The following CDK19 variants were observed in gnomAD, a reference collection of about 807,000 sequenced individuals.
CDK19 encodes the protein cyclin-dependent kinase 19.
A neutral mutation model predicts 68.3 loss-of-function variants in CDK19; 20 were observed. The ratio of observed to expected loss-of-function variants is 0.29; its 90% confidence interval spans 0.21 to 0.43. The LOEUF is 0.43. Among genes scored for constraint, CDK19 ranks in the 20% least tolerant of loss-of-function variants. The pLI is 1.00. For synonymous variants in CDK19, 221 were observed against 222.8 expected, an observed-to-expected ratio of 0.99 and a Z score of 0.07; for missense variants, 339 against 623.5, an observed-to-expected ratio of 0.54 and a Z score of 4.86.
chr6:110,675,835 T>G (rs191982405), intron 2 of CDK19, among the ~76,000 whole-genome samples: 89 of 152,200 alleles, frequency 5.8e-4, no homozygotes, highest in Non-Finnish European at 1.1e-3. Flanking sequence ...ACCCAAAAGC[T>G]CTGATTGAGA....
intron 5 of CDK19, among the ~76,000 whole-genome samples, chr6:110,635,313 T>G (rs1255220985): frequency 6.6e-6 from 1 of 152,356 alleles, no homozygotes; most frequent in African/African-American, 2.4e-5. Flanking sequence ...TCTTTTATTA[T>G]GTTATCTGGA....
chr6:110,622,687 T>C (rs1317862897), intron 10 of CDK19, 128 bp downstream of exon 10: 2 of 644,074 alleles, frequency 3.1e-6, no homozygotes, highest in African/African-American at 3.6e-5. Context: ...AAGCTTGCTC[T>C]TGAGCAGTCT....
At chr6:110,655,662 T>C (rs1225681745) in intron 4 of CDK19, among the ~76,000 whole-genome samples, 4 of 152,114 alleles carry the variant, frequency 2.6e-5, no homozygotes, top group Admixed American at 2.6e-4. Flanking sequence ...ACTACTTACA[T>C]CCTACATTTT....
chr6:110,808,390 C>T (rs1782828166), intron 1 of CDK19, among the ~76,000 whole-genome samples: 2 of 152,166 alleles, frequency 1.3e-5, no homozygotes, highest in Admixed American at 6.6e-5. Flanking sequence ...CAGCCAACTG[C>T]TTATTTGTAT....
chr6:110,804,146 AAAC>A (rs1782516822), intron 1 of CDK19, among the ~76,000 whole-genome samples: 1 of 152,198 alleles, frequency 6.6e-6, no homozygotes, highest in African/African-American at 2.4e-5. Context: ...CTACAGAACA[AAAC>A]AAAGTTAACT....
At chr6:110,646,734 G>A (rs527562718) in intron 4 of CDK19, among the ~76,000 whole-genome samples, 1 of 151,966 alleles carries the variant, frequency 6.6e-6, no homozygotes, top group Admixed American at 6.5e-5. Context: ...AACCCACCTC[G>A]GCTGCCTCCC....
In CDK19 at chr6:110,634,872, C is replaced by G. The variant is rs551948847; in HGVS notation, c.515-2711G>C. Among the ~76,000 whole-genome samples the G allele has an allele frequency of 5.9e-5, 9 of 152,342 alleles. 1 individual carries two copies. In the East Asian group the frequency reaches 1.7e-3, roughly 29 times the overall value. On this transcript the variant is annotated intron_variant, in intron 5 of 12. Coordinates refer to ENST00000368911, the MANE Select transcript of CDK19 (RefSeq NM_015076.5). The stretch of plus-strand genomic sequence containing the variant: ...TTTCTCCCCTTATTCTCTACCTCCT[C>G]AGTTTTACCTAAGCCTCATCTACTC...
At chr6:110,673,344 G>A (rs557168680) in intron 2 of CDK19, among the ~76,000 whole-genome samples, 1 of 151,962 alleles carries the variant, frequency 6.6e-6, no homozygotes, top group Non-Finnish European at 1.5e-5. Context: ...TTGTCCATTT[G>A]CCCCTCAACA....
rs535063624 is a variant in CDK19 at position 110,746,263 on chromosome 6, T to C, written c.129-62A>G. The C allele has an allele frequency of 4.1e-6, 4 of 983,566 alleles. No individual in the cohort carries two copies. The South Asian group carries it at 4.2e-5, about 10-fold the overall frequency. The allele number at this position is 983,566 out of a possible 1,614,324, so 60.9% of individuals were successfully genotyped here. On this transcript the variant is annotated intron_variant, in intron 1 of 12. Transcript: ENST00000368911. ...TCACTTTCAGATTCAAAATTATAAC[T>C]ACAAAAACAATGGAAATGCACTTAA...
At chr6:110,638,044 A>G (rs1422124344) in intron 5 of CDK19, among the ~76,000 whole-genome samples, 3 of 150,778 alleles carry the variant, frequency 2.0e-5, no homozygotes, top group Non-Finnish European at 4.4e-5. Flanking sequence ...TGTAATAGGT[A>G]TAAATGATGC....
At chr6:110,684,382 C>G (rs1405438231) in intron 2 of CDK19, among the ~76,000 whole-genome samples, 1 of 126,278 alleles carries the variant, frequency 7.9e-6, no homozygotes, top group Non-Finnish European at 1.5e-5. Context: ...CAACTACTAA[C>G]AAATGTTTAT....
chr6:110,635,695 A>G (rs1779729711), intron 5 of CDK19, among the ~76,000 whole-genome samples: 1 of 152,016 alleles, frequency 6.6e-6, no homozygotes, highest in African/African-American at 2.4e-5. Flanking sequence ...ACGCACCACC[A>G]CGCCCAGCTA....
At chr6:110,714,604 T>C (rs1775221259) in intron 2 of CDK19, among the ~76,000 whole-genome samples, 1 of 152,180 alleles carries the variant, frequency 6.6e-6, no homozygotes, top group Non-Finnish European at 1.5e-5. Flanking sequence ...TTCTAATGGG[T>C]GTGAAGTAGT....
chr6:110,647,048 G>C (rs1254271655), intron 4 of CDK19, among the ~76,000 whole-genome samples: 1 of 151,324 alleles, frequency 6.6e-6, no homozygotes, highest in Non-Finnish European at 1.5e-5. Context: ...CACCCACCAC[G>C]ACCCGACACT....
intron 1 of CDK19, among the ~76,000 whole-genome samples, chr6:110,759,348 T>C (rs1472210104): frequency 1.4e-5 from 2 of 137,992 alleles, no homozygotes; most frequent in Non-Finnish European, 3.0e-5. Flanking sequence ...GAGCGTGCAG[T>C]GAGCCGAGAT....
intron 6 of CDK19, among the ~76,000 whole-genome samples, chr6:110,630,726 G>T (rs1444745028): frequency 6.6e-6 from 1 of 152,118 alleles, no homozygotes; most frequent in African/African-American, 2.4e-5. Context: ...CACAGGTAAG[G>T]GTTTTATGTC....
At chr6:110,666,356 C>T (rs1781932939) in intron 4 of CDK19, among the ~76,000 whole-genome samples, 5 of 125,712 alleles carry the variant, frequency 4.0e-5, no homozygotes, top group South Asian at 5.6e-4. Context: ...ACCCAGGAGG[C>T]GGAGGTTGCA....
chr6:110,773,688 T>A (rs776834272), intron 1 of CDK19, among the ~76,000 whole-genome samples: 13 of 152,220 alleles, frequency 8.5e-5, no homozygotes, highest in African/African-American at 3.1e-4. Context: ...TTACTTTTTT[T>A]AATGAATTTT....
chr6:110,786,429 CACA>C (rs1781227758), intron 1 of CDK19, among the ~76,000 whole-genome samples: 1 of 152,140 alleles, frequency 6.6e-6, no homozygotes, highest in Non-Finnish European at 1.5e-5. Context: ...TGAAGTCATG[CACA>C]ACATCTGGGC....
Sources: allele counts gnomAD v4.1 joint callset (sites outside exome capture counted in the v4.1 genomes callset), GRCh38; gene constraint gnomAD v4.1.1; transcripts MANE v1.5; gene names NCBI Gene and HGNC (gene_info 2026-07-23, HGNC 2026-07-21).